Variants in PTPN13 observed in about 807,000 individuals in gnomAD.
The protein encoded by PTPN13 is tyrosine-protein phosphatase non-receptor type 13.
A neutral mutation model predicts 284.0 loss-of-function variants in PTPN13; 191 were observed. The ratio of observed to expected loss-of-function variants is 0.67; its 90% confidence interval spans 0.60 to 0.76. The LOEUF (loss-of-function observed/expected upper bound fraction) is 0.76, where lower values mean the gene tolerates loss of function less well. Among genes scored for constraint, PTPN13 ranks in the 30% least tolerant of loss-of-function variants. The pLI, the probability that PTPN13 is intolerant of heterozygous loss-of-function variation, is 0.00. For synonymous variants in PTPN13, 986 were observed against 1,022.3 expected (o/e 0.96, Z 0.68); for missense variants, 2,797 against 2,939.9 (o/e 0.95, Z 1.12).
At chr4:86,740,032 T>G (rs1027153401) in intron 15 of PTPN13, among the ~76,000 whole-genome samples, 8 of 152,218 alleles carry the variant, frequency 5.3e-5, no homozygotes, top group African/African-American at 1.9e-4. Context: ...TGTGTCTTTG[T>G]AGGGTATAGA....
At chr4:86,792,198 A>G (rs986013848) in intron 40 of PTPN13, among the ~76,000 whole-genome samples, 2 of 152,220 alleles carry the variant, frequency 1.3e-5, no homozygotes, top group Admixed American at 1.3e-4. Flanking sequence ...CAGCACGAGA[A>G]CTTCATGACA....
intron 7 of PTPN13, among the ~76,000 whole-genome samples, chr4:86,703,339 T>C (rs1331964652): frequency 2.6e-5 from 4 of 152,098 alleles, no homozygotes; most frequent in Non-Finnish European, 5.9e-5. Flanking sequence ...TCCTTTTTTA[T>C]GTTGTACAAC....
At chr4:86,801,436 T>G (rs1465858696) in intron 42 of PTPN13, among the ~76,000 whole-genome samples, 3 of 152,178 alleles carry the variant, frequency 2.0e-5, no homozygotes, top group South Asian at 2.1e-4. Flanking sequence ...GAGGTTTTTT[T>G]GGGGGGTGAG....
intron 7 of PTPN13, among the ~76,000 whole-genome samples, chr4:86,702,704 G>A (rs1407347096): frequency 6.6e-6 from 1 of 152,082 alleles, no homozygotes; most frequent in East Asian, 1.9e-4. Flanking sequence ...GTGACATATA[G>A]AGGCTATTTT....
chr4:86,785,414 A>C, intron 39 of PTPN13, 46 bp downstream of exon 39: 10 of 1,538,270 alleles, frequency 6.5e-6, no homozygotes, highest in Non-Finnish European at 8.7e-6. Context: ...GAGTACAAAA[A>C]CGTCTCTAGG....
intron 3 of PTPN13, among the ~76,000 whole-genome samples, chr4:86,684,954 A>G (rs1729283679): frequency 6.6e-6 from 1 of 152,194 alleles, no homozygotes; most frequent in African/African-American, 2.4e-5. Context: ...ACTTTCTCTA[A>G]TATATCTCTA....
intron 40 of PTPN13, among the ~76,000 whole-genome samples, chr4:86,791,224 C>T (rs1047259281): frequency 1.3e-5 from 2 of 152,322 alleles, no homozygotes; most frequent in Admixed American, 6.5e-5. Flanking sequence ...CCCAAGCCCA[C>T]GGAGCCTTGC....
intron 2 of PTPN13, among the ~76,000 whole-genome samples, chr4:86,655,076 T>C (rs1355501697): frequency 6.6e-6 from 1 of 152,206 alleles, no homozygotes; most frequent in African/African-American, 2.4e-5. Context: ...CTGCCTTTTT[T>C]TGTTTTCCAT....
intron 39 of PTPN13, 47 bp downstream of exon 39, chr4:86,785,415 C>A: frequency 6.5e-7 from 1 of 1,534,272 alleles, no homozygotes; most frequent in Non-Finnish European, 8.8e-7. Context: ...AGTACAAAAA[C>A]GTCTCTAGGG....
chr4:86,708,506 A>G (rs569472420), intron 7 of PTPN13, among the ~76,000 whole-genome samples: 23 of 152,266 alleles, frequency 1.5e-4, no homozygotes, highest in African/African-American at 5.5e-4. Context: ...CACAGAAATA[A>G]TATGTTCCTT....
Position 86,704,642 on chromosome 4 carries a change from C to T in PTPN13, c.1195+2841C>T, listed in dbSNP as rs938858250. ...ACATCATTTCCAGATTTAGAAATTT[C>T]GTATTTGTTATAGGATGCACAAACA... On this transcript the variant is annotated intron_variant, in intron 7 of 47. Transcript: ENST00000411767. Among the ~76,000 whole-genome samples the T allele has an allele frequency of 3.9e-5, 6 of 152,096 alleles. No individual in the cohort carries two copies. The East Asian group carries it at 9.7e-4, about 24-fold the overall frequency.
chr4:86,790,811 C>A (rs564434677), intron 40 of PTPN13, among the ~76,000 whole-genome samples: 42 of 152,030 alleles, frequency 2.8e-4, no homozygotes, highest in Non-Finnish European at 5.6e-4. Context: ...GAAAATTTGT[C>A]CTGATAAAGA....
At chr4:86,784,663 C>A in intron 38 of PTPN13, 105 bp downstream of exon 38, 2 of 681,290 alleles carry the variant, frequency 2.9e-6, no homozygotes, top group South Asian at 1.9e-5. Context: ...GTTACTGTAG[C>A]TTTAAAGGGA....
At chr4:86,694,112 C>A in intron 6 of PTPN13, among the ~76,000 whole-genome samples, 1 of 149,452 alleles carries the variant, frequency 6.7e-6, no homozygotes. Flanking sequence ...TTTTTAAATG[C>A]TAGTAATAAC....
At chr4:86,649,168 G>T (rs1476359253) in intron 2 of PTPN13, among the ~76,000 whole-genome samples, 2 of 151,958 alleles carry the variant, frequency 1.3e-5, no homozygotes, top group African/African-American at 4.8e-5. Context: ...CCATTCTGTG[G>T]GTTGTCTTTT....
chr4:86,803,576 G>A, intron 42 of PTPN13, 133 bp from the exon 43 acceptor site: 1 of 980,016 alleles, frequency 1.0e-6, no homozygotes, highest in South Asian at 1.6e-5. Flanking sequence ...GTAGGCGACA[G>A]AACAAGATTC....
intron 2 of PTPN13, among the ~76,000 whole-genome samples, chr4:86,642,546 G>A (rs566595228): frequency 3.4e-4 from 48 of 140,818 alleles, no homozygotes; most frequent in Middle Eastern, 7.8e-3. Flanking sequence ...TCCACCTCCC[G>A]GGCTCAAGCG....
At chr4:86,752,341 A>G (rs1737492438) in intron 19 of PTPN13, among the ~76,000 whole-genome samples, 1 of 152,164 alleles carries the variant, frequency 6.6e-6, no homozygotes, top group Non-Finnish European at 1.5e-5. Flanking sequence ...ATAATACATA[A>G]ATATTTATGG....
intron 2 of PTPN13, among the ~76,000 whole-genome samples, chr4:86,670,284 G>C (rs1727594859): frequency 6.9e-6 from 1 of 144,584 alleles, no homozygotes; most frequent in Non-Finnish European, 1.5e-5. Context: ...CCACATTTCA[G>C]ATCAAATTGC....
Sources: gnomAD v4.1 joint callset for allele counts (sites outside exome capture counted in the v4.1 genomes callset) on GRCh38, gnomAD v4.1.1 for gene constraint, MANE v1.5 for transcripts, NCBI Gene and HGNC (gene_info 2026-07-23, HGNC 2026-07-21) for gene names.